PDE6A: variants seen among roughly 807,000 people sequenced by gnomAD.
The protein encoded by PDE6A is phosphodiesterase 6A, also known as rod cGMP-specific 3',5'-cyclic phosphodiesterase subunit alpha.
PDE6A carries 84 observed loss-of-function variants against 106.3 expected under a neutral mutation model. The ratio of observed to expected loss-of-function variants is 0.79; its 90% CI spans 0.66 to 0.95. The LOEUF is 0.95. PDE6A is among the 40% of genes least tolerant of loss of function. The pLI is 0.00. For synonymous variants in PDE6A, 394 were observed against 386.6 expected, an observed-to-expected ratio of 1.02 and a Z score of -0.23; for missense variants, 1,052 against 1,084.9, an observed-to-expected ratio of 0.97 and a Z score of 0.43.
chr5:149,864,408 G>A (rs1435698886), intron 20 of PDE6A, among the ~76,000 whole-genome samples: 1 of 151,880 alleles, frequency 6.6e-6, no homozygotes, highest in Non-Finnish European at 1.5e-5. Context: ...CAGCTAATTT[G>A]TTTTTTTGGA....
At chr5:149,914,362 G>A (rs1354212908) in intron 6 of PDE6A, among the ~76,000 whole-genome samples, 1 of 152,104 alleles carries the variant, frequency 6.6e-6, no homozygotes, top group East Asian at 1.9e-4. Flanking sequence ...CTTGGAATGA[G>A]TATCTTTTGG....
chr5:149,944,606 T>C lies in PDE6A; in HGVS notation c.68A>G (p.Tyr23Cys), dbSNP rs1754417049. 5 of 1,614,000 alleles carry C rather than the reference T, an allele frequency of 3.1e-6. No individual in the cohort carries two copies. The East Asian group carries it at 6.7e-5, about 22-fold the overall frequency. ...CTTGGCCCGGTAGTGGAGGTTGTAG[T>C]ACTGTTTGGCAAAGCCAATATTCGA... ...LDSNIGFAKQ[Y>C]YNLHYRAKLI... Residue 23 changes from tyrosine to cysteine, a missense_variant, in exon 1 of 22, where the codon TAC (tyrosine) becomes TGC (cysteine). Around this residue, in one of 3 missense-constraint regions of PDE6A, gnomAD observed 913 missense variants for 915.2 expected, o/e 1.00. Transcript: ENST00000255266.
intron 1 of PDE6A, among the ~76,000 whole-genome samples, chr5:149,941,712 AC>A (rs1227187708): frequency 6.6e-6 from 1 of 152,196 alleles, no homozygotes; most frequent in African/African-American, 2.4e-5. Context: ...TTTGATTTGT[AC>A]CCTTCAAAAA....
rs556315024 is a variant in PDE6A at position 149,882,261 on chromosome 5, C to T, written c.2135+1168G>A. The stretch of plus-strand genomic sequence containing the variant: ...GGAGTGGCAACTTGCTGCTGCCCCC[C>T]CCGTTTCCGGAGCCTGTCCCAGTGG... On this transcript the variant is annotated intron_variant, in intron 17 of 21. Coordinates refer to ENST00000255266, the MANE Select transcript of PDE6A (RefSeq NM_000440.3). 2.5e-3 allele frequency among the ~76,000 whole-genome samples: 377 copies of T among 151,982 alleles called. 4 individuals carry two copies. Among genetic ancestry groups the T allele is most frequent in the African/African-American group, 8.4e-3 (348 of 41,346 alleles).
At position 149,944,712 on chromosome 5, in the gene PDE6A, G is replaced by A. The variant is rs777076605; in HGVS notation, c.-39C>T. Reference sequence around the variant, plus strand: ...ACTGGCTACTCTGTAGAAGGACTGGGACGGAGGCCTTCCAATGGCAGTTTT... The same window carrying A: ...ACTGGCTACTCTGTAGAAGGACTGGAACGGAGGCCTTCCAATGGCAGTTTT... On this transcript the variant is annotated 5_prime_UTR_variant, in exon 1 of 22. Transcript: ENST00000255266. 1 of 1,535,186 alleles carries A rather than the reference G, an allele frequency of 6.5e-7. No individual in the cohort carries two copies. Among genetic ancestry groups the A allele is most frequent in the South Asian group, 1.2e-5 (1 of 86,022 alleles).
intron 6 of PDE6A, among the ~76,000 whole-genome samples, chr5:149,908,833 A>T (rs1260302056): frequency 6.6e-6 from 1 of 152,152 alleles, no homozygotes; most frequent in Non-Finnish European, 1.5e-5. Flanking sequence ...CCTGGGCAAC[A>T]TAGGGGGACT....
At chr5:149,912,678 C>T (rs530083511) in intron 6 of PDE6A, among the ~76,000 whole-genome samples, 1 of 152,306 alleles carries the variant, frequency 6.6e-6, no homozygotes, top group East Asian at 1.9e-4. Context: ...TCTCCAACCA[C>T]ACCCGCTAGC....
At chr5:149,889,171 G>C (rs556668958) in intron 13 of PDE6A, among the ~76,000 whole-genome samples, 1 of 150,058 alleles carries the variant, frequency 6.7e-6, no homozygotes, top group Admixed American at 6.6e-5. Context: ...GATGTCAAAA[G>C]TACACTGATG....
chr5:149,909,019 A>ATTT (rs1367901838), intron 6 of PDE6A, among the ~76,000 whole-genome samples: 2 of 151,822 alleles, frequency 1.3e-5, no homozygotes, highest in Non-Finnish European at 2.9e-5. Context: ...TTTACTATTA[A>ATTT]TTTTTTTCCT....
chr5:149,874,955 C>T (rs983296307), intron 17 of PDE6A, among the ~76,000 whole-genome samples: 5 of 152,086 alleles, frequency 3.3e-5, no homozygotes, highest in African/African-American at 1.2e-4. Flanking sequence ...CCTCACTGAG[C>T]AGATGAGGAA....
chr5:149,918,869 T>C (rs1220123674), intron 5 of PDE6A, among the ~76,000 whole-genome samples: 1 of 152,136 alleles, frequency 6.6e-6, no homozygotes, highest in Non-Finnish European at 1.5e-5. Context: ...GTGATCCTTC[T>C]GCCTCAGCCT....
intron 16 of PDE6A, among the ~76,000 whole-genome samples, chr5:149,883,910 T>C (rs1761024020): frequency 1.3e-5 from 2 of 152,188 alleles, no homozygotes. Flanking sequence ...TATTATATTG[T>C]TGCTGGGTGC....
rs141926268 is a variant in PDE6A at position 149,864,356 on chromosome 5, A to T, written c.2359-1090T>A. On this transcript the variant is annotated intron_variant, in intron 20 of 21. Coordinates refer to ENST00000255266, the MANE Select transcript of PDE6A (RefSeq NM_000440.3). ...CAGGTTCAAGTGATTCTCCTGCCTC[A>T]GCCTCCCAAGTAGCTGGGATTACAG... Among the ~76,000 whole-genome samples the T allele has an allele frequency of 7.5e-3, 1,141 of 151,926 alleles. 13 individuals are homozygous for T. The highest frequency in any genetic ancestry group is 0.026 in the African/African-American group (1,095 of 41,414).
intron 4 of PDE6A, among the ~76,000 whole-genome samples, chr5:149,924,923 G>C (rs745822242): frequency 1.8e-4 from 27 of 152,162 alleles, no homozygotes; most frequent in Non-Finnish European, 3.4e-4. Context: ...CCAAGGAGGA[G>C]AGACCCTTGA....
At chr5:149,870,837 G>A (rs1760512343) in intron 17 of PDE6A, among the ~76,000 whole-genome samples, 1 of 137,084 alleles carries the variant, frequency 7.3e-6, no homozygotes. Flanking sequence ...AAAGGTCCAA[G>A]GTGAAAAAAG....
intron 6 of PDE6A, among the ~76,000 whole-genome samples, chr5:149,910,471 T>G (rs1202542094): frequency 1.3e-5 from 2 of 152,236 alleles, no homozygotes; most frequent in East Asian, 3.8e-4. Flanking sequence ...AGATCAACAT[T>G]GCTCTTTTAG....
rs1042844833 is a variant in PDE6A at position 149,863,778 on chromosome 5, C to T, written c.2359-512G>A. On this transcript the variant is annotated intron_variant, in intron 20 of 21. Coordinates refer to ENST00000255266, the MANE Select transcript of PDE6A (RefSeq NM_000440.3). This position sits in a 1 kb window ranked among gnomAD's most constrained non-coding sequence, Gnocchi z 4.7. ...AGCTGGAACTACAGGCTCATGCCAC[C>T]ACACCCAGGTAATTTTTTTTATTTT... Among the ~76,000 whole-genome samples, 1 of 152,166 alleles carries T rather than the reference C, an allele frequency of 6.6e-6. No homozygotes were observed. Among genetic ancestry groups the T allele is most frequent in the Admixed American group, 6.5e-5 (1 of 15,272 alleles).
intron 17 of PDE6A, among the ~76,000 whole-genome samples, chr5:149,873,356 G>A (rs1398187943): frequency 4.9e-5 from 7 of 142,032 alleles, no homozygotes; most frequent in South Asian, 2.3e-4. Flanking sequence ...TTTTGAGACC[G>A]AGTCTCACTC....
chr5:149,903,147 T>TAAAAAAAAA (rs373566897), intron 8 of PDE6A, among the ~76,000 whole-genome samples: 20 of 90,992 alleles, frequency 2.2e-4, no homozygotes, highest in Admixed American at 6.9e-4. Flanking sequence ...AGACCCTCTC[T>TAAAAAAAAA]AAAAAAAAAA....
Sources: allele counts gnomAD v4.1 joint callset (sites outside exome capture counted in the v4.1 genomes callset), GRCh38; gene constraint gnomAD v4.1.1; regional missense constraint gnomAD v4.1.1; non-coding constraint Gnocchi (gnomAD v3.1); transcripts MANE v1.5; gene names NCBI Gene and HGNC (gene_info 2026-07-23, HGNC 2026-07-21).